Variants in KANK1 observed in about 807,000 individuals in gnomAD.
KANK1 encodes KN motif and ankyrin repeat domains 1, also known as KN motif and ankyrin repeat domain-containing protein 1.
KANK1 carries 109 observed loss-of-function variants against 106.2 expected under a neutral mutation model. That is an observed-to-expected ratio of 1.03 (90% CI 0.88 to 1.20). The LOEUF is 1.20. Among genes scored for constraint, KANK1 ranks in the 50% most tolerant of loss-of-function variants. The pLI is 0.00. For missense variants in KANK1, 2,399 were observed against 1,710.7 expected, an observed-to-expected ratio of 1.40 and a Z score of -7.10; for synonymous variants, 873 against 652.2, an observed-to-expected ratio of 1.34 and a Z score of -5.16.
chr9:725,496 C>CAAA (rs34245303), intron 3 of KANK1, among the ~76,000 whole-genome samples: 5,472 of 116,670 alleles, frequency 0.047, 327 homozygotes, highest in East Asian at 0.16. Context: ...GACTCTGTCT[C>CAAA]AAAAAAAAAA....
chr9:709,620 T>C (rs1490425121), intron 2 of KANK1, among the ~76,000 whole-genome samples: 1 of 151,918 alleles, frequency 6.6e-6, no homozygotes, highest in East Asian at 1.9e-4. Context: ...CTTTTTTTTT[T>C]TTTTTTTTAA....
rs59053892 is a variant in KANK1, at chr9:647,999, CTTTTTTTTT to C, written c.-83-28879_-83-28871del. Among the ~76,000 whole-genome samples the C allele has an allele frequency of 3.4e-5, 4 of 118,310 alleles. No individual in the cohort carries two copies. In the Admixed American group the frequency reaches 3.6e-4, roughly 11 times the overall value. 77.6% of individuals were successfully genotyped at this position (118,310 alleles called of 152,430 possible). On this transcript the variant is annotated intron_variant, in intron 1 of 11. Coordinates refer to ENST00000382297, the MANE Select transcript of KANK1 (RefSeq NM_015158.5). ...GACCACCATTTCTGGGGGTTGTTAT[CTTTTTTTTT>C]TTTTTTTTTTTGATACAGAGTCTTG... is the stretch of plus-strand genomic sequence containing the variant.
chr9:609,343 A>T (rs796799953), intron 1 of KANK1, among the ~76,000 whole-genome samples: 14 of 152,242 alleles, frequency 9.2e-5, no homozygotes, highest in African/African-American at 3.4e-4. Flanking sequence ...AATAGAATCA[A>T]TAGGCTGGGC....
At chr9:741,837 T>A (rs1046165766) in intron 9 of KANK1, among the ~76,000 whole-genome samples, 1 of 151,898 alleles carries the variant, frequency 6.6e-6, no homozygotes, top group African/African-American at 2.4e-5. Context: ...CAAGCTGCTC[T>A]TGAACTCCTG....
chr9:618,657 C>T (rs939900744), intron 1 of KANK1, among the ~76,000 whole-genome samples: 1 of 152,120 alleles, frequency 6.6e-6, no homozygotes, highest in Non-Finnish European at 1.5e-5. Context: ...GCACAGTAGA[C>T]ATTCGTGAAA....
At chr9:533,465 C>G (rs1224995622) in intron 1 of KANK1, among the ~76,000 whole-genome samples, 2 of 152,144 alleles carry the variant, frequency 1.3e-5, no homozygotes, top group South Asian at 2.1e-4. Flanking sequence ...CAGGCACAGT[C>G]TAAATACTAC....
intron 1 of KANK1, among the ~76,000 whole-genome samples, chr9:654,510 AG>A (rs1398911414): frequency 6.6e-6 from 1 of 152,166 alleles, no homozygotes; most frequent in African/African-American, 2.4e-5. Context: ...AACCACTCAC[AG>A]GACAATAGAA....
intron 1 of KANK1, among the ~76,000 whole-genome samples, chr9:622,106 TA>T (rs1248812080): frequency 6.6e-6 from 1 of 152,192 alleles, no homozygotes; most frequent in Non-Finnish European, 1.5e-5. Context: ...CATGGGAATT[TA>T]TAAGGGATGG....
At chr9:580,724 C>T (rs1821871441) in intron 1 of KANK1, among the ~76,000 whole-genome samples, 1 of 152,266 alleles carries the variant, frequency 6.6e-6, no homozygotes, top group Admixed American at 6.5e-5. Flanking sequence ...GGATCCCGCA[C>T]TGGGGCCGCA....
chr9:683,122 G>C (rs1166760274), intron 2 of KANK1, among the ~76,000 whole-genome samples: 1 of 152,152 alleles, frequency 6.6e-6, no homozygotes, highest in Non-Finnish European at 1.5e-5. Context: ...GCCCGTGGTG[G>C]TGAGTCTTAG....
At chr9:556,346 C>G (rs1277640100) in intron 1 of KANK1, among the ~76,000 whole-genome samples, 1 of 152,062 alleles carries the variant, frequency 6.6e-6, no homozygotes, top group East Asian at 1.9e-4. Context: ...TTTAGTGATT[C>G]CCAGGGAAGA....
At chr9:608,250 G>A (rs2136069342) in intron 1 of KANK1, among the ~76,000 whole-genome samples, 1 of 150,728 alleles carries the variant, frequency 6.6e-6, no homozygotes, top group East Asian at 1.9e-4. Context: ...TGTTAGCCAG[G>A]ATGGTCTCGA....
At chr9:698,172 C>G (rs555656607) in intron 2 of KANK1, among the ~76,000 whole-genome samples, 9 of 152,320 alleles carry the variant, frequency 5.9e-5, no homozygotes, top group Non-Finnish European at 1.2e-4. Context: ...AGCGTGCTGC[C>G]CGCCTTTCTC....
chr9:671,372 G>A (rs1349943176), intron 1 of KANK1, among the ~76,000 whole-genome samples: 6 of 151,780 alleles, frequency 4.0e-5, no homozygotes, highest in African/African-American at 9.7e-5. Flanking sequence ...GGGGCCGGGC[G>A]CGGTGGCTCA....
chr9:711,892 G>C lies in KANK1; in HGVS notation c.1126G>C (p.Ala376Pro), dbSNP rs780522567. 1.2e-6 allele frequency: 2 copies of C among 1,614,184 alleles called. No homozygotes were observed. The highest frequency in any genetic ancestry group is 1.7e-6 in the Non-Finnish European group (2 of 1,180,018). The change falls in exon 3 of 12, where the codon GCC becomes CCC. Residue 376 changes from alanine (A) to proline (P), a missense_variant. Ala to Pro is a conservative substitution (Grantham distance 27). Coordinates refer to ENST00000382297, the MANE Select transcript of KANK1 (RefSeq NM_015158.5). ...EFRQLTADMQ[A>P]LEQKIQDSSC... is the part of the protein sequence containing the mutation. ...CCGGCAACTTACAGCAGACATGCAA[G>C]CCCTGGAGCAGAAGATCCAGGACAG...
chr9:694,054 C>T (rs969274723), intron 2 of KANK1, among the ~76,000 whole-genome samples: 10 of 152,034 alleles, frequency 6.6e-5, no homozygotes, highest in African/African-American at 2.4e-4. Context: ...AGGTTTAGTT[C>T]AATTCAATAA....
At chr9:504,260 G>C (rs887430729), upstream of KANK1, among the ~76,000 whole-genome samples, 1 of 152,194 alleles carries the variant, frequency 6.6e-6, no homozygotes, top group Non-Finnish European at 1.5e-5. Flanking sequence ...GTGCGAGGAT[G>C]GACGTGGTAA....
intron 3 of KANK1, among the ~76,000 whole-genome samples, chr9:722,384 C>T (rs944278924): frequency 6.6e-6 from 1 of 152,062 alleles, no homozygotes; most frequent in Admixed American, 6.6e-5. Context: ...CTGGACCCAT[C>T]CAGATCATTG....
intron 1 of KANK1, among the ~76,000 whole-genome samples, chr9:506,216 T>C (rs963992900): frequency 3.9e-5 from 6 of 152,342 alleles, no homozygotes; most frequent in Middle Eastern, 3.4e-3. Context: ...TAGGAAGTTT[T>C]TCTAAGATAG....
Sources: allele counts gnomAD v4.1 joint callset (sites outside exome capture counted in the v4.1 genomes callset), GRCh38; gene constraint gnomAD v4.1.1; transcripts MANE v1.5; gene names NCBI Gene and HGNC (gene_info 2026-07-23, HGNC 2026-07-21).